Variants in RPS6KA2 observed in about 807,000 individuals in gnomAD.
RPS6KA2 encodes ribosomal protein S6 kinase A2.
Under a neutral mutation model 91.8 loss-of-function variants are expected in RPS6KA2, and 42 were observed. The observed-to-expected ratio is 0.46, with a 90% CI of 0.36 to 0.59. The LOEUF is 0.59. Ranked by LOEUF, RPS6KA2 falls within the 20% of genes least tolerant of loss-of-function variation. The pLI, the probability that RPS6KA2 is intolerant of heterozygous loss-of-function variation, is 0.00. For missense variants in RPS6KA2, 798 were observed against 978.5 expected (o/e 0.82, Z 2.46); for synonymous variants, 414 against 393.6 (o/e 1.05, Z -0.61).
chr6:166,438,669 A>T (rs770506720), intron 14 of RPS6KA2, among the ~76,000 whole-genome samples: 1 of 152,212 alleles, frequency 6.6e-6, no homozygotes, highest in Non-Finnish European at 1.5e-5. Flanking sequence ...GGAAATTTAC[A>T]AGTGCAACAG....
intron 2 of RPS6KA2, among the ~76,000 whole-genome samples, chr6:166,687,761 C>T (rs989460824): frequency 3.3e-5 from 5 of 152,206 alleles, no homozygotes; most frequent in Admixed American, 1.3e-4. Flanking sequence ...AGCATTGCGT[C>T]GGCGGCTCTG....
intron 2 of RPS6KA2, among the ~76,000 whole-genome samples, chr6:166,685,927 C>T (rs185164555): frequency 5.3e-5 from 8 of 152,254 alleles, no homozygotes; most frequent in East Asian, 3.9e-4. Flanking sequence ...TGGTGATGGA[C>T]GATGGGCCCA....
intron 1 of RPS6KA2, among the ~76,000 whole-genome samples, chr6:166,573,560 C>T (rs1009315942): frequency 1.3e-5 from 2 of 152,254 alleles, no homozygotes; most frequent in Non-Finnish European, 2.9e-5. Context: ...GCCCCTGGGT[C>T]AGGCTGCAGC....
chr6:166,804,181 T>C (rs1353188798), intron 2 of RPS6KA2, among the ~76,000 whole-genome samples: 1 of 147,048 alleles, frequency 6.8e-6, no homozygotes, highest in South Asian at 2.1e-4. Context: ...AAAAAAAAAA[T>C]ACTTAACTAG....
At chr6:166,572,164 A>C (rs1323994755) in intron 1 of RPS6KA2, among the ~76,000 whole-genome samples, 1 of 152,204 alleles carries the variant, frequency 6.6e-6, no homozygotes, top group African/African-American at 2.4e-5. Context: ...AAAGAACCAA[A>C]ATGTCCCCAG....
chr6:166,519,943 T>C (rs558442938), intron 3 of RPS6KA2, among the ~76,000 whole-genome samples: 66 of 152,278 alleles, frequency 4.3e-4, no homozygotes, highest in African/African-American at 1.5e-3. Flanking sequence ...TCTGGGTGTG[T>C]GTGTGAGGGC....
chr6:166,583,994 T>C lies in RPS6KA2; in HGVS notation c.99+42927A>G, dbSNP rs142064299. ...AAGGCGCATCTTAAAATGTATTTTA[T>C]AGCTCTGGTAGGCCAGGTGTGCAAC... is the stretch of plus-strand genomic sequence containing the variant. On this transcript the variant is annotated intron_variant, in intron 1 of 20. Coordinates refer to ENST00000265678, the MANE Select transcript of RPS6KA2 (RefSeq NM_021135.6). 2.3e-3 allele frequency among the ~76,000 whole-genome samples: 344 copies of C among 152,368 alleles called. 1 individual carries two copies. The highest frequency in any genetic ancestry group is 8.0e-3 in the African/African-American group (333 of 41,590).
chr6:166,451,032 A>G, intron 13 of RPS6KA2, 71 bp downstream of exon 13: 2 of 1,585,908 alleles, frequency 1.3e-6, no homozygotes, highest in South Asian at 1.1e-5. Flanking sequence ...CTGAGGCCAC[A>G]GGGAACACCA....
At chr6:166,501,803 C>T (rs971222786) in intron 6 of RPS6KA2, among the ~76,000 whole-genome samples, 1 of 152,180 alleles carries the variant, frequency 6.6e-6, no homozygotes, top group African/African-American at 2.4e-5. Context: ...ACCAGCCTAG[C>T]CCTAAAGAGA....
chr6:166,715,358 G>A (rs2128581994), intron 2 of RPS6KA2, among the ~76,000 whole-genome samples: 1 of 152,346 alleles, frequency 6.6e-6, no homozygotes, highest in African/African-American at 2.4e-5. Context: ...CAGGCTTCCT[G>A]CCAGCTGCCT....
chr6:166,651,567 A>T (rs1348480844), intron 2 of RPS6KA2, among the ~76,000 whole-genome samples: 1 of 152,228 alleles, frequency 6.6e-6, no homozygotes, highest in African/African-American at 2.4e-5. Flanking sequence ...GAAGGCTGTT[A>T]TCAGAGAAAA....
rs372234746 is a variant in RPS6KA2 at position 166,594,709 on chromosome 6, G to A, written c.99+32212C>T. On this transcript the variant is annotated intron_variant, in intron 1 of 20. Coordinates refer to ENST00000265678, the MANE Select transcript of RPS6KA2 (RefSeq NM_021135.6). ...GATCTCCTGACCTCGTGATCCGCCC[G>A]CCTCGGCCTCCCAAAGTGCTGGGAT... 2.7e-3 allele frequency among the ~76,000 whole-genome samples: 409 copies of A among 152,152 alleles called. 1 individual carries two copies. Among genetic ancestry groups the A allele is most frequent in the Admixed American group, 6.0e-3 (91 of 15,282 alleles).
At chr6:166,705,552 A>G (rs1283165943) in intron 2 of RPS6KA2, among the ~76,000 whole-genome samples, 1 of 152,256 alleles carries the variant, frequency 6.6e-6, no homozygotes, top group Non-Finnish European at 1.5e-5. Context: ...GCCCATTAAC[A>G]TCACAACTGC....
At position 166,770,752 on chromosome 6, in the gene RPS6KA2, G is replaced by A. The variant is rs894182860; in HGVS notation, c.123+87448C>T. 9.6e-6 allele frequency: 10 copies of A among 1,044,694 alleles called. No individual in the cohort carries two copies. Among genetic ancestry groups the A allele is most frequent in the East Asian group, 7.2e-5 (3 of 41,790 alleles). 64.7% of individuals were successfully genotyped at this position (1,044,694 alleles called of 1,614,324 possible). ...TTCGCACCTTGCCTTGCTGGACTCC[G>A]GGCACCGTGAAACAACTCAATAAAT... On this transcript the variant is annotated intron_variant, in intron 2 of 21. Coordinates refer to the RPS6KA2 transcript ENST00000503859. This position sits in a 1 kb window ranked among gnomAD's most constrained non-coding sequence, Gnocchi z 5.1.
intron 6 of RPS6KA2, among the ~76,000 whole-genome samples, chr6:166,503,630 A>G (rs2128479606): frequency 6.6e-6 from 1 of 152,294 alleles, no homozygotes; most frequent in East Asian, 1.9e-4. Context: ...TCGGCCCCTC[A>G]GGGCAGGGAA....
chr6:166,469,510 C>T (rs902005420), intron 11 of RPS6KA2, among the ~76,000 whole-genome samples: 28 of 152,012 alleles, frequency 1.8e-4, no homozygotes, highest in Admixed American at 1.6e-3. Flanking sequence ...CTGGAGCAAT[C>T]GGGAATATGC....
chr6:166,575,997 A>C (rs963403805), intron 1 of RPS6KA2, among the ~76,000 whole-genome samples: 4 of 152,194 alleles, frequency 2.6e-5, no homozygotes, highest in African/African-American at 9.7e-5. Context: ...GGTGGGAGAT[A>C]ATTTGAATCA....
At chr6:166,649,647 A>G (rs1015273020) in intron 2 of RPS6KA2, among the ~76,000 whole-genome samples, 9 of 152,222 alleles carry the variant, frequency 5.9e-5, no homozygotes, top group African/African-American at 2.2e-4. Context: ...TCACTCATGC[A>G]ACCCCCACTC....
At chr6:166,859,468 G>A (rs1233372539) in intron 1 of RPS6KA2, among the ~76,000 whole-genome samples, 1 of 152,190 alleles carries the variant, frequency 6.6e-6, no homozygotes, top group Non-Finnish European at 1.5e-5. Context: ...CATAATTCAT[G>A]AAATACTACA....
Sources: gnomAD v4.1 joint callset for allele counts (sites outside exome capture counted in the v4.1 genomes callset) on GRCh38, gnomAD v4.1.1 for gene constraint, Gnocchi (gnomAD v3.1) non-coding constraint, MANE v1.5 for transcripts, NCBI Gene and HGNC (gene_info 2026-07-23, HGNC 2026-07-21) for gene names.